PDGFC: variants seen among roughly 807,000 people sequenced by gnomAD.
PDGFC encodes the protein platelet derived growth factor C, also known as platelet-derived growth factor C.
Under a neutral mutation model 35.5 loss-of-function variants are expected in PDGFC, and 12 were observed. The ratio of observed to expected loss-of-function variants is 0.34; its 90% confidence interval spans 0.22 to 0.55. The LOEUF is 0.55. PDGFC is among the 20% of genes least tolerant of loss of function. The pLI, the probability that PDGFC is intolerant of heterozygous loss-of-function variation, is 0.91. For synonymous variants in PDGFC, 159 were observed against 148.8 expected, an observed-to-expected ratio of 1.07 and a Z score of -0.50; for missense variants, 322 against 412.4, an observed-to-expected ratio of 0.78 and a Z score of 1.90.
At chr4:156,831,231 T>C (rs1041952600) in intron 2 of PDGFC, among the ~76,000 whole-genome samples, 17 of 152,270 alleles carry the variant, frequency 1.1e-4, no homozygotes, top group Non-Finnish European at 1.9e-4. Flanking sequence ...TGTTGAAATA[T>C]CCCCATATAA....
intron 2 of PDGFC, among the ~76,000 whole-genome samples, chr4:156,840,439 T>C (rs1480877232): frequency 6.6e-6 from 1 of 152,234 alleles, no homozygotes; most frequent in East Asian, 1.9e-4. Flanking sequence ...AATCTCCACT[T>C]AGACTTTAGA....
chr4:156,786,037 T>C (rs750703709), intron 3 of PDGFC, among the ~76,000 whole-genome samples: 14 of 152,138 alleles, frequency 9.2e-5, no homozygotes, highest in Non-Finnish European at 1.3e-4. Context: ...TACGGTACTG[T>C]GAAACTAATC....
chr4:156,762,981 C>T lies in PDGFC; in HGVS notation c.*109G>A. 1 of 665,488 alleles carries T rather than the reference C, an allele frequency of 1.5e-6. No individual in the cohort carries two copies. The highest frequency in any genetic ancestry group is 2.8e-6 in the Non-Finnish European group (1 of 355,478). 41.2% of individuals were successfully genotyped at this position (665,488 alleles called of 1,614,324 possible). On this transcript the variant is annotated 3_prime_UTR_variant, in exon 6 of 6. Coordinates refer to ENST00000502773, the MANE Select transcript of PDGFC (RefSeq NM_016205.3). ...ACTGTAAATCCTGAAGATGAAAGGTCCTTGAAGCAAACAACTGAGATTAAG... is the reference window on the plus strand; with the variant it reads ...ACTGTAAATCCTGAAGATGAAAGGTTCTTGAAGCAAACAACTGAGATTAAG...
chr4:156,825,632 GAAGAAGAAGAAA>G (rs1732444703), intron 2 of PDGFC, among the ~76,000 whole-genome samples: 1 of 143,308 alleles, frequency 7.0e-6, no homozygotes, highest in African/African-American at 2.6e-5. Flanking sequence ...AGAAGAAGAA[GAAGAAGAAGAAA>G]AGAAAGAAGG....
chr4:156,858,036 C>G (rs1729624336), intron 1 of PDGFC, among the ~76,000 whole-genome samples: 1 of 151,978 alleles, frequency 6.6e-6, no homozygotes, highest in African/African-American at 2.4e-5. Flanking sequence ...TACTTACAGC[C>G]AAAATAATTA....
chr4:156,944,547 G>A (rs981211593), intron 1 of PDGFC, among the ~76,000 whole-genome samples: 2 of 152,122 alleles, frequency 1.3e-5, no homozygotes, highest in Non-Finnish European at 2.9e-5. Flanking sequence ...TGTGTCCACT[G>A]TTAGCACGCT....
At chr4:156,774,942 A>T (rs1560806045) in intron 3 of PDGFC, among the ~76,000 whole-genome samples, 1 of 152,200 alleles carries the variant, frequency 6.6e-6, no homozygotes, top group Admixed American at 6.5e-5. Flanking sequence ...TATACAGTAC[A>T]ATGGTTACTA....
chr4:156,945,290 G>A (rs1309723726), intron 1 of PDGFC, among the ~76,000 whole-genome samples: 1 of 137,664 alleles, frequency 7.3e-6, no homozygotes, highest in Non-Finnish European at 1.5e-5. Context: ...AGATTTTATA[G>A]ACATCTCTTA....
intron 1 of PDGFC, among the ~76,000 whole-genome samples, chr4:156,921,762 G>A (rs1560874147): frequency 6.6e-6 from 1 of 152,086 alleles, no homozygotes; most frequent in African/African-American, 2.4e-5. Context: ...GAAAAGTGAT[G>A]TCCAAACAAA....
At chr4:156,933,824 C>T (rs1731612366) in intron 1 of PDGFC, among the ~76,000 whole-genome samples, 1 of 152,282 alleles carries the variant, frequency 6.6e-6, no homozygotes, top group East Asian at 1.9e-4. Context: ...CTCTCTCTCT[C>T]CTACCACCAT....
chr4:156,893,807 C>T (rs938925689), intron 1 of PDGFC, among the ~76,000 whole-genome samples: 2 of 152,078 alleles, frequency 1.3e-5, no homozygotes, highest in South Asian at 2.1e-4. Flanking sequence ...AAATTCAAAA[C>T]TTTATCTTAG....
rs1189023042 is a variant in PDGFC, at chr4:156,958,322, T to TA, written c.118+12463dup. Among the ~76,000 whole-genome samples the TA allele has an allele frequency of 1.4e-3, 196 of 142,354 alleles. 1 individual carries two copies. Among genetic ancestry groups the TA allele is most frequent in the Middle Eastern group, 3.7e-3 (1 of 270 alleles). The allele number at this position is 142,354 out of a possible 152,430, so 93.4% of individuals were successfully genotyped here. On this transcript the variant is annotated intron_variant, in intron 1 of 5. Coordinates refer to ENST00000502773, the MANE Select transcript of PDGFC (RefSeq NM_016205.3). ...ACTTAAGGCCATCAAGTTACTCATTTAAAAAAAAAAAAAGGAACTAGCAAG... is the reference window on the plus strand; with the variant it reads ...ACTTAAGGCCATCAAGTTACTCATTTAAAAAAAAAAAAAAGGAACTAGCAAG...
At chr4:156,933,131 T>TA (rs1003512700) in intron 1 of PDGFC, among the ~76,000 whole-genome samples, 2 of 152,150 alleles carry the variant, frequency 1.3e-5, no homozygotes, top group Non-Finnish European at 2.9e-5. Context: ...TAGGGTTCTT[T>TA]AAAGACCTAA....
At chr4:156,775,787 T>C (rs1044387804) in intron 3 of PDGFC, among the ~76,000 whole-genome samples, 2 of 152,220 alleles carry the variant, frequency 1.3e-5, no homozygotes, top group Non-Finnish European at 2.9e-5. Context: ...ACTGTATGTA[T>C]AGATCAGTTG....
chr4:156,898,130 G>A (rs1246964981), intron 1 of PDGFC, among the ~76,000 whole-genome samples: 1 of 152,062 alleles, frequency 6.6e-6, no homozygotes, highest in African/African-American at 2.4e-5. Context: ...CCTCATGAAG[G>A]CAATTAATGT....
At chr4:156,788,030 C>T (rs1731177040) in intron 3 of PDGFC, among the ~76,000 whole-genome samples, 1 of 152,104 alleles carries the variant, frequency 6.6e-6, no homozygotes, top group African/African-American at 2.4e-5. Flanking sequence ...GACTCTAAAA[C>T]AGGTCTAGAG....
At chr4:156,910,720 C>G (rs1731019283) in intron 1 of PDGFC, among the ~76,000 whole-genome samples, 1 of 152,080 alleles carries the variant, frequency 6.6e-6, no homozygotes, top group Non-Finnish European at 1.5e-5. Flanking sequence ...CAGCATTTTT[C>G]TTTGTTCTAG....
At chr4:156,793,524 G>C (rs1449860394) in intron 3 of PDGFC, among the ~76,000 whole-genome samples, 18 of 118,982 alleles carry the variant, frequency 1.5e-4, no homozygotes, top group Admixed American at 8.8e-5. Flanking sequence ...TAATACATAT[G>C]AATTATGTGC....
intron 1 of PDGFC, among the ~76,000 whole-genome samples, chr4:156,895,587 G>T (rs184324116): frequency 6.6e-6 from 1 of 151,164 alleles, no homozygotes; most frequent in Admixed American, 6.6e-5. Flanking sequence ...AGCTGAGATC[G>T]TGCCACTGCA....
Sources: gnomAD v4.1 joint callset for allele counts (sites outside exome capture counted in the v4.1 genomes callset) on GRCh38, gnomAD v4.1.1 for gene constraint, MANE v1.5 for transcripts, NCBI Gene and HGNC (gene_info 2026-07-23, HGNC 2026-07-21) for gene names.